The following ULK4 variants were observed in gnomAD, a reference collection of about 807,000 sequenced individuals.
The protein encoded by ULK4 is inactive serine/threonine-protein kinase ULK4.
ULK4 carries 133 observed loss-of-function variants against 160.6 expected under a neutral mutation model. That is an observed-to-expected ratio of 0.83 (90% CI 0.72 to 0.96). The LOEUF (loss-of-function observed/expected upper bound fraction) is 0.96. Ranked by LOEUF, ULK4 falls within the 40% of genes least tolerant of loss-of-function variation. The pLI is 0.00. For synonymous variants in ULK4, 534 were observed against 539.8 expected, an observed-to-expected ratio of 0.99 and a Z score of 0.15; for missense variants, 1,580 against 1,499.5, an observed-to-expected ratio of 1.05 and a Z score of -0.89.
chr3:41,703,675 G>A (rs900128253), intron 27 of ULK4, among the ~76,000 whole-genome samples: 1 of 151,900 alleles, frequency 6.6e-6, no homozygotes, highest in Admixed American at 6.6e-5. Flanking sequence ...CAAAGAAACA[G>A]AAGCTATTAG....
intron 31 of ULK4, among the ~76,000 whole-genome samples, chr3:41,598,468 C>T (rs1424633182): frequency 6.6e-6 from 1 of 152,110 alleles, no homozygotes; most frequent in African/African-American, 2.4e-5. Flanking sequence ...TCAAAGGGAG[C>T]TGTCATGGAG....
At position 41,952,285 on chromosome 3, in the gene ULK4, T is replaced by C. The variant is rs115128133; in HGVS notation, c.138+2337A>G. Among the ~76,000 whole-genome samples the C allele has an allele frequency of 6.8e-3, 1,031 of 152,316 alleles. 10 individuals are homozygous for C. The highest frequency in any genetic ancestry group is 0.024 in the African/African-American group (991 of 41,564). On this transcript the variant is annotated intron_variant, in intron 2 of 36. Transcript: ENST00000301831. Reference sequence around the variant, plus strand: ...AGGCAACCTATAGAATATGAAAATATATTTGCATATCATATATCTGATAAC... The same window carrying C: ...AGGCAACCTATAGAATATGAAAATACATTTGCATATCATATATCTGATAAC...
intron 34 of ULK4, among the ~76,000 whole-genome samples, chr3:41,413,679 C>T (rs2082459942): frequency 6.6e-6 from 1 of 152,074 alleles, no homozygotes; most frequent in African/African-American, 2.4e-5. Flanking sequence ...GGGCAATGTA[C>T]ATCTTATAAA....
At chr3:41,355,965 C>T (rs6805722) in intron 35 of ULK4, among the ~76,000 whole-genome samples, 5,925 of 152,214 alleles carry the variant, frequency 0.039, 306 homozygotes, top group East Asian at 0.19. Context: ...TCTATGCAAA[C>T]CATTTTTCTA....
At chr3:41,684,621 G>A (rs142492826) in intron 27 of ULK4, among the ~76,000 whole-genome samples, 1 of 152,128 alleles carries the variant, frequency 6.6e-6, no homozygotes, top group Non-Finnish European at 1.5e-5. Context: ...TGTCTTAAAA[G>A]GTCCCACCCC....
intron 35 of ULK4, among the ~76,000 whole-genome samples, chr3:41,304,499 G>GT (rs1026096683): frequency 1.3e-5 from 2 of 152,156 alleles, no homozygotes; most frequent in Admixed American, 6.5e-5. Flanking sequence ...ATTGATAAGT[G>GT]TAACACTTAG....
intron 22 of ULK4, among the ~76,000 whole-genome samples, chr3:41,747,338 A>G (rs1159782161): frequency 1.3e-5 from 2 of 151,886 alleles, no homozygotes; most frequent in African/African-American, 4.9e-5. Flanking sequence ...TGGCTCCTGC[A>G]TTCTTTTTAA....
At chr3:41,748,517 TAC>T (rs1450327715) in intron 22 of ULK4, among the ~76,000 whole-genome samples, 1 of 152,164 alleles carries the variant, frequency 6.6e-6, no homozygotes, top group African/African-American at 2.4e-5. Flanking sequence ...ACAAACTTGA[TAC>T]ACAGATTGTT....
At chr3:41,292,773 G>A (rs113768446) in intron 35 of ULK4, among the ~76,000 whole-genome samples, 11,162 of 151,438 alleles carry the variant, frequency 0.074, 1,061 homozygotes, top group African/African-American at 0.21. Flanking sequence ...GTGAAACCCC[G>A]TCTCTATTAA....
intron 30 of ULK4, among the ~76,000 whole-genome samples, chr3:41,627,117 C>T (rs925260052): frequency 2.0e-5 from 3 of 152,088 alleles, no homozygotes; most frequent in Non-Finnish European, 2.9e-5. Flanking sequence ...AAACTTTTGC[C>T]TCAAGGCCAT....
intron 32 of ULK4, among the ~76,000 whole-genome samples, chr3:41,473,468 C>T (rs2084046712): frequency 6.6e-6 from 1 of 151,882 alleles, no homozygotes; most frequent in Admixed American, 6.6e-5. Flanking sequence ...TCAAGACCAG[C>T]CTGGCCAACA....
chr3:41,342,830 CA>C (rs1559534233), intron 35 of ULK4, among the ~76,000 whole-genome samples: 1 of 152,180 alleles, frequency 6.6e-6, no homozygotes, highest in Non-Finnish European at 1.5e-5. Context: ...CCACCATGAT[CA>C]AGTTGGCTTT....
Position 41,681,626 on chromosome 3 carries a change from ACC to A in ULK4, c.2858_2859del (p.Arg953LeufsTer24). The part of the protein sequence containing the change: ...QNVEWRLFSL[R>X]LLSETTSLLV... ...AGTAGAGATGTGGTTTCTGAGAGCA[ACC>A]GCAAGCTAAAGAGTCTCCACTCCAC... On this transcript the variant is annotated frameshift_variant, in exon 29 of 37. Transcript: ENST00000301831. LOFTEE classifies it high-confidence loss of function. 6.2e-7 allele frequency: 1 copy of A among 1,614,008 alleles called. No individual in the cohort carries two copies. The highest frequency in any genetic ancestry group is 8.5e-7 in the Non-Finnish European group (1 of 1,179,982).
At chr3:41,646,428 GT>G (rs1436038062) in intron 30 of ULK4, among the ~76,000 whole-genome samples, 1 of 152,140 alleles carries the variant, frequency 6.6e-6, no homozygotes, top group Non-Finnish European at 1.5e-5. Flanking sequence ...TCTGTAAAGT[GT>G]TTTATTTCTC....
At chr3:41,889,988 CAG>C (rs1258004083) in intron 16 of ULK4, among the ~76,000 whole-genome samples, 1 of 152,126 alleles carries the variant, frequency 6.6e-6, no homozygotes, top group Admixed American at 6.5e-5. Context: ...TGCTAAATGA[CAG>C]AAGCTAGACA....
chr3:41,611,019 CT>C (rs1332180792), intron 31 of ULK4, among the ~76,000 whole-genome samples: 1 of 152,150 alleles, frequency 6.6e-6, no homozygotes. Context: ...AACTTATACT[CT>C]TTTGAAAAAG....
intron 21 of ULK4, among the ~76,000 whole-genome samples, chr3:41,780,416 G>A (rs1374203628): frequency 9.2e-5 from 14 of 151,806 alleles, no homozygotes; most frequent in Admixed American, 9.2e-4. Flanking sequence ...ATATTTTAGG[G>A]AGAAAATATC....
At position 41,336,325 on chromosome 3, in the gene ULK4, C is replaced by T. The variant is rs137856284; in HGVS notation, c.3678+61754G>A. On this transcript the variant is annotated intron_variant, in intron 35 of 36. Transcript: ENST00000301831. ...AGTGTCCTCTACAATCAGTTTAAAG[C>T]TTATAAGGAAACGTATCTGAAAATG... Among the ~76,000 whole-genome samples the T allele has an allele frequency of 2.4e-3, 358 of 152,284 alleles. 3 individuals carry two copies. The highest frequency in any genetic ancestry group is 8.1e-3 in the African/African-American group (335 of 41,548).
At chr3:41,888,263 T>C (rs1036699560) in intron 16 of ULK4, among the ~76,000 whole-genome samples, 1 of 152,216 alleles carries the variant, frequency 6.6e-6, no homozygotes, top group Non-Finnish European at 1.5e-5. Flanking sequence ...GACTAAACAC[T>C]TGACACTCAC....
Sources: allele counts gnomAD v4.1 joint callset (sites outside exome capture counted in the v4.1 genomes callset), GRCh38; gene constraint gnomAD v4.1.1; transcripts MANE v1.5; gene names NCBI Gene and HGNC (gene_info 2026-07-23, HGNC 2026-07-21).